Variants in TTC19 observed in about 807,000 individuals in gnomAD.
TTC19 encodes tetratricopeptide repeat domain 19, also known as tetratricopeptide repeat protein 19, mitochondrial.
A neutral mutation model predicts 49.5 loss-of-function variants in TTC19; 38 were observed. That is an observed-to-expected ratio of 0.77 (90% CI 0.59 to 1.01). The LOEUF (loss-of-function observed/expected upper bound fraction) is 1.01. Among genes scored for constraint, TTC19 ranks in the 50% least tolerant of loss-of-function variants. The probability of loss-of-function intolerance (pLI) is 0.00; values close to 1 mark genes in which losing one functional copy is unlikely to be tolerated. For synonymous variants in TTC19, 204 were observed against 185.2 expected, an observed-to-expected ratio of 1.10 and a Z score of -0.83; for missense variants, 475 against 477.7, an observed-to-expected ratio of 0.99 and a Z score of 0.05.
In TTC19 at chr17:16,044,961, A is replaced by T. The variant is rs1258687999; in HGVS notation, c.*406A>T. On this transcript the variant is annotated 3_prime_UTR_variant, in exon 3 of 3. Coordinates refer to the TTC19 transcript ENST00000470649. The stretch of plus-strand genomic sequence containing the variant: ...CATGGGCTTTTGGTTGTTTTGACTA[A>T]ATTTCTTATAACGTGTTCAATACAA... 1.2e-5 allele frequency: 7 copies of T among 570,392 alleles called. No homozygotes were observed. In the African/African-American group the frequency reaches 1.3e-4, roughly 11 times the overall value. 35.3% of individuals were successfully genotyped at this position (570,392 alleles called of 1,614,324 possible). A position where few individuals can be genotyped will look rare whatever the true frequency, so the allele number is the denominator to read the frequency against.
downstream of TTC19, chr17:16,030,226 A>C: frequency 4.4e-6 from 1 of 228,434 alleles, no homozygotes; most frequent in Non-Finnish European, 8.6e-6. Context: ...GTGGATCATC[A>C]TGAAGGTCTT....
At position 16,000,177 on chromosome 17, in the gene TTC19, G is replaced by A. The variant is rs760920370; in HGVS notation, c.244G>A (p.Gly82Arg). 2.5e-6 allele frequency: 4 copies of A among 1,592,428 alleles called. No individual in the cohort carries two copies. The highest frequency in any genetic ancestry group is 2.5e-6 in the Non-Finnish European group (3 of 1,177,932). The change falls in exon 2 of 10, where the codon GGG (glycine) becomes AGG (arginine). Residue 82 changes from glycine to arginine, a missense_variant. Coordinates refer to ENST00000261647, the MANE Select transcript of TTC19 (RefSeq NM_017775.4). ...AEEEEQQGAD[G>R]AAAEDGADEA... ...GGAGGAGGAGCAGCAGGGAGCCGAC[G>A]GGGCCGCTGCCGAGGACGGGGCGGA...
downstream of TTC19, chr17:16,030,054 G>A (rs984285244): frequency 5.7e-6 from 1 of 175,336 alleles, no homozygotes; most frequent in Admixed American, 6.4e-5. Context: ...ACTACTCATG[G>A]CCTACTGCTG....
rs745731119 is a variant in TTC19 at position 16,026,527 on chromosome 17, C to T, written c.832-13C>T. ...GTTTTTAAAGAAAAAATTGTTTTTT[C>T]TTTTACATACAGACCATTGTGCTGA... On this transcript the variant is annotated splice_polypyrimidine_tract_variant and intron_variant, in intron 8 of 9. Coordinates refer to ENST00000261647, the MANE Select transcript of TTC19 (RefSeq NM_017775.4). 1.2e-6 allele frequency: 2 copies of T among 1,612,110 alleles called. No homozygotes were observed. Among genetic ancestry groups the T allele is most frequent in the Admixed American group, 3.4e-5 (2 of 59,512 alleles).
chr17:16,026,695 GCA>G lies in TTC19; in HGVS notation c.990_991del (p.His330GlnfsTer24), dbSNP rs755568797. On this transcript the variant is annotated frameshift_variant, in exon 9 of 10. Transcript: ENST00000261647. LOFTEE classifies it high-confidence loss of function. The stretch of plus-strand genomic sequence containing the variant: ...TCAGTAATCTAGCTGCAGTTTTGAT[GCA>G]CAGAGGTAGGTAGCAATGTAAACTT... ...VLSNLAAVLM[H>X]RERYTQAKEI... is the part of the protein sequence containing the mutation. The G allele has an allele frequency of 5.0e-6, 8 of 1,614,068 alleles. No homozygotes were observed. Among genetic ancestry groups the G allele is most frequent in the South Asian group, 1.1e-5 (1 of 91,072 alleles).
In TTC19 at chr17:16,011,326, G is replaced by T. The variant is rs565510714; in HGVS notation, c.676+4758G>T. ...TTCCTGAGTAGCTGGGATTACAGGC[G>T]TGAGCTACCACACCCGGCTAATTTT... On this transcript the variant is annotated intron_variant, in intron 7 of 9. Transcript: ENST00000261647. 9.9e-5 allele frequency among the ~76,000 whole-genome samples: 15 copies of T among 152,202 alleles called. No individual in the cohort carries two copies. The South Asian group carries it at 2.9e-3, about 29-fold the overall frequency.
intron 9 of TTC19, chr17:16,026,908 A>G (rs1971580305): frequency 1.6e-6 from 1 of 642,764 alleles, no homozygotes; most frequent in East Asian, 2.8e-5. Context: ...GACCTGCACT[A>G]GCCTGTCGAA....
At chr17:16,007,271 G>T (rs1453709489) in intron 7 of TTC19, among the ~76,000 whole-genome samples, 1 of 152,008 alleles carries the variant, frequency 6.6e-6, no homozygotes, top group East Asian at 1.9e-4. Flanking sequence ...AATACACTGT[G>T]TTTTTTTCTT....
intron 7 of TTC19, among the ~76,000 whole-genome samples, chr17:16,016,356 A>G (rs976077304): frequency 1.3e-5 from 2 of 152,174 alleles, no homozygotes; most frequent in Admixed American, 1.3e-4. Flanking sequence ...TTCAGAGAAC[A>G]ACTGTGCTTG....
chr17:16,023,305 A>G (rs940692790), intron 7 of TTC19: 1 of 152,232 alleles, frequency 6.6e-6, no homozygotes, highest in Non-Finnish European at 1.5e-5. Context: ...AGTGATAACA[A>G]GGGTAACAAG....
At chr17:16,033,808 T>C (rs995010056), downstream of TTC19, among the ~76,000 whole-genome samples, 1 of 151,630 alleles carries the variant, frequency 6.6e-6, no homozygotes, top group African/African-American at 2.4e-5. Flanking sequence ...AGATGATGGC[T>C]TTTTTTGTTT....
intron 2 of TTC19, chr17:16,040,425 G>A: frequency 6.2e-7 from 1 of 1,611,612 alleles, no homozygotes; most frequent in Non-Finnish European, 8.5e-7. Flanking sequence ...GGTAAATAAT[G>A]TCTTTTCAAT....
At chr17:16,026,826 G>C in intron 9 of TTC19, 124 bp downstream of exon 9, 2 of 1,021,036 alleles carry the variant, frequency 2.0e-6, no homozygotes, top group Non-Finnish European at 3.0e-6. Context: ...TTAAAAGACT[G>C]GTTGAATGGC....
At position 16,006,559 on chromosome 17, in the gene TTC19, AT is replaced by A; in HGVS notation, c.669del (p.Met224CysfsTer17). 1 of 1,606,292 alleles carries A rather than the reference AT, an allele frequency of 6.2e-7. No individual in the cohort carries two copies. The highest frequency in any genetic ancestry group is 8.5e-7 in the Non-Finnish European group (1 of 1,172,846). On this transcript the variant is annotated frameshift_variant, in exon 7 of 10. Transcript: ENST00000261647. LOFTEE classifies it high-confidence loss of function. ...AAGAGAAAAGGAATTAGCAGAAGACATTATGTCAGGTAGGAAACCCATTATC... is the reference window on the plus strand; with the variant it reads ...AAGAGAAAAGGAATTAGCAGAAGACATATGTCAGGTAGGAAACCCATTATC... ...IEREKELAEDIMSVEEKANTH... is the reference protein window; with the variant it reads ...IEREKELAEDXMSVEEKANTH...
downstream of TTC19, among the ~76,000 whole-genome samples, chr17:16,033,336 C>T: frequency 1.7e-5 from 1 of 57,458 alleles, no homozygotes; most frequent in Middle Eastern, 8.5e-3. Context: ...ACTCCGTCTC[C>T]AAAAAAAAAA....
rs1567589300 is a variant in TTC19 at position 16,028,053 on chromosome 17, G to A, written c.*531G>A. 1.8e-5 allele frequency: 8 copies of A among 453,976 alleles called. No homozygotes were observed. The Admixed American group carries it at 1.9e-4, about 11-fold the overall frequency. 28.1% of individuals were successfully genotyped at this position (453,976 alleles called of 1,614,324 possible). On this transcript the variant is annotated 3_prime_UTR_variant, in exon 10 of 10. Transcript: ENST00000261647. Reference sequence around the variant, plus strand: ...ATACATAAAAGAGAAAAATATCTTAGTTTGCTACCAGCATCCAGCATGAAG... The same window carrying A: ...ATACATAAAAGAGAAAAATATCTTAATTTGCTACCAGCATCCAGCATGAAG...
chr17:16,044,392 C>CACAG, intron 2 of TTC19: 1 of 471,220 alleles, frequency 2.1e-6, no homozygotes, highest in Non-Finnish European at 4.4e-6. Flanking sequence ...TCTAAACAAA[C>CACAG]ATCCACCAGG....
At chr17:16,009,644 C>T (rs1971010201) in intron 7 of TTC19, among the ~76,000 whole-genome samples, 1 of 151,962 alleles carries the variant, frequency 6.6e-6, no homozygotes, top group African/African-American at 2.4e-5. Context: ...AAAGGAATTC[C>T]TACCTATTCA....
chr17:16,028,032 A>G lies in TTC19; in HGVS notation c.*510A>G, dbSNP rs768656949. ...ATGAAGCACAAGTGGAATTTAATAC[A>G]TAAAAGAGAAAAATATCTTAGTTTG... On this transcript the variant is annotated 3_prime_UTR_variant, in exon 10 of 10. Coordinates refer to ENST00000261647, the MANE Select transcript of TTC19 (RefSeq NM_017775.4). 6.6e-6 allele frequency: 3 copies of G among 454,158 alleles called. No homozygotes were observed. The highest frequency in any genetic ancestry group is 3.1e-5 in the South Asian group (2 of 64,474). 28.1% of individuals were successfully genotyped at this position (454,158 alleles called of 1,614,324 possible). A position where few individuals can be genotyped will look rare whatever the true frequency, so the allele number is the denominator to read the frequency against.
Sources: gnomAD v4.1 joint callset for allele counts (sites outside exome capture counted in the v4.1 genomes callset) on GRCh38, gnomAD v4.1.1 for gene constraint, MANE v1.5 for transcripts, NCBI Gene and HGNC (gene_info 2026-07-23, HGNC 2026-07-21) for gene names.